ENOX1: variants seen among roughly 807,000 people sequenced by gnomAD.
The protein encoded by ENOX1 is ecto-NOX disulfide-thiol exchanger 1.
Under a neutral mutation model 82.5 loss-of-function variants are expected in ENOX1, and 42 were observed. That is an observed-to-expected ratio of 0.51 (90% CI 0.40 to 0.66). The LOEUF (loss-of-function observed/expected upper bound fraction) is 0.66, where lower values mean the gene tolerates loss of function less well. Ranked by LOEUF, ENOX1 falls within the 30% of genes least tolerant of loss-of-function variation. The pLI, the probability that ENOX1 is intolerant of heterozygous loss-of-function variation, is 0.00. For synonymous variants in ENOX1, 271 were observed against 282.2 expected (o/e 0.96, Z 0.40); for missense variants, 608 against 811.6 (o/e 0.75, Z 3.05).
intron 11 of ENOX1, among the ~76,000 whole-genome samples, chr13:43,319,520 T>G (rs1015914608): frequency 2.6e-5 from 4 of 152,164 alleles, no homozygotes; most frequent in Non-Finnish European, 5.9e-5. Flanking sequence ...AATTGTGCCT[T>G]TCCTAAAAAC....
chr13:43,277,675 G>T (rs2045134151), intron 12 of ENOX1, among the ~76,000 whole-genome samples: 3 of 152,224 alleles, frequency 2.0e-5, no homozygotes, highest in African/African-American at 4.8e-5. Flanking sequence ...GGAGGGCACA[G>T]GCTGTGTGTT....
chr13:43,223,457 G>C (rs950695347), intron 16 of ENOX1, among the ~76,000 whole-genome samples: 3 of 152,172 alleles, frequency 2.0e-5, no homozygotes, highest in Non-Finnish European at 4.4e-5. Context: ...CGGTGGGGTA[G>C]GAGTACAGCT....
At chr13:43,334,425 TG>T (rs2048583145) in intron 9 of ENOX1, among the ~76,000 whole-genome samples, 2 of 152,296 alleles carry the variant, frequency 1.3e-5, no homozygotes, top group South Asian at 4.1e-4. Context: ...TACTACACAC[TG>T]GGGATAAAAA....
At chr13:43,531,400 T>C (rs527412053) in intron 2 of ENOX1, among the ~76,000 whole-genome samples, 9 of 151,592 alleles carry the variant, frequency 5.9e-5, no homozygotes, top group South Asian at 4.2e-4. Context: ...GTTAGAATGG[T>C]GATCATTAAA....
At chr13:43,726,534 T>G (rs1434511018) in intron 1 of ENOX1, among the ~76,000 whole-genome samples, 1 of 152,040 alleles carries the variant, frequency 6.6e-6, no homozygotes, top group Non-Finnish European at 1.5e-5. Flanking sequence ...TCAACTTTAA[T>G]CATTCATTGA....
intron 3 of ENOX1, among the ~76,000 whole-genome samples, chr13:43,461,555 G>A (rs1447610437): frequency 3.9e-5 from 6 of 152,184 alleles, no homozygotes; most frequent in Non-Finnish European, 7.3e-5. Flanking sequence ...TATATGAAAG[G>A]TGACTACATG....
chr13:43,741,864 G>T (rs1168272645), intron 1 of ENOX1, among the ~76,000 whole-genome samples: 1 of 152,120 alleles, frequency 6.6e-6, no homozygotes, highest in Non-Finnish European at 1.5e-5. Context: ...TAGTTTTATA[G>T]CTTTAGGTCT....
chr13:43,757,317 G>A, intron 1 of ENOX1, among the ~76,000 whole-genome samples: 1 of 152,160 alleles, frequency 6.6e-6, no homozygotes, highest in East Asian at 1.9e-4. Flanking sequence ...GACTTGCTTT[G>A]AAAACAGGAT....
At chr13:43,568,338 A>AC (rs1286678661) in intron 2 of ENOX1, among the ~76,000 whole-genome samples, 1 of 152,186 alleles carries the variant, frequency 6.6e-6, no homozygotes, top group African/African-American at 2.4e-5. Context: ...CACACTGAGA[A>AC]CACACAGTAT....
intron 8 of ENOX1, among the ~76,000 whole-genome samples, chr13:43,352,583 A>G (rs926701658): frequency 2.6e-5 from 4 of 152,178 alleles, no homozygotes; most frequent in African/African-American, 9.7e-5. Flanking sequence ...CCATGCTATA[A>G]ACTTTGGGTT....
At chr13:43,240,265 A>G (rs2042752463) in intron 14 of ENOX1, among the ~76,000 whole-genome samples, 1 of 152,210 alleles carries the variant, frequency 6.6e-6, no homozygotes, top group Non-Finnish European at 1.5e-5. Context: ...TTTTAAGGAT[A>G]TGGCATTCAA....
At chr13:43,341,069 G>A (rs1464932860) in intron 9 of ENOX1, among the ~76,000 whole-genome samples, 5 of 152,058 alleles carry the variant, frequency 3.3e-5, no homozygotes, top group African/African-American at 4.8e-5. Context: ...AGGCCGAGGC[G>A]GGCAGATCAC....
intron 2 of ENOX1, among the ~76,000 whole-genome samples, chr13:43,589,216 GAAAAAAAAAA>G (rs58912569): frequency 1.3e-5 from 1 of 79,768 alleles, no homozygotes; most frequent in African/African-American, 5.3e-5. Context: ...GACATTAATG[GAAAAAAAAAA>G]AAAAAAAAAA....
intron 1 of ENOX1, among the ~76,000 whole-genome samples, chr13:43,671,616 A>T (rs1232819731): frequency 1.3e-5 from 2 of 152,158 alleles, no homozygotes; most frequent in East Asian, 3.9e-4. Flanking sequence ...CTGGGAAGTG[A>T]CGACCTGATC....
At chr13:43,406,659 AT>A (rs1212833481) in intron 5 of ENOX1, among the ~76,000 whole-genome samples, 2 of 151,514 alleles carry the variant, frequency 1.3e-5, no homozygotes, top group African/African-American at 2.4e-5. Flanking sequence ...TGCCCTGCTA[AT>A]TTTTTTGTAT....
At chr13:43,450,740 G>A (rs1366901342) in intron 3 of ENOX1, among the ~76,000 whole-genome samples, 1 of 152,080 alleles carries the variant, frequency 6.6e-6, no homozygotes, top group Non-Finnish European at 1.5e-5. Flanking sequence ...GCAGGTAGTG[G>A]CGTGGACTCA....
chr13:43,366,295 A>G (rs2050842406), intron 5 of ENOX1, among the ~76,000 whole-genome samples: 1 of 139,732 alleles, frequency 7.2e-6, no homozygotes, highest in East Asian at 2.2e-4. Flanking sequence ...TTTTTTTTTG[A>G]CATGAGTGTT....
At chr13:43,281,011 A>C (rs865850058) in intron 12 of ENOX1, among the ~76,000 whole-genome samples, 8 of 152,216 alleles carry the variant, frequency 5.3e-5, no homozygotes, top group African/African-American at 1.4e-4. Context: ...CAGAGTAACT[A>C]GAACCTTTGG....
At chr13:43,586,107 G>A (rs2080968261) in intron 2 of ENOX1, among the ~76,000 whole-genome samples, 1 of 152,104 alleles carries the variant, frequency 6.6e-6, no homozygotes, top group South Asian at 2.1e-4. Flanking sequence ...GCTACTCTCT[G>A]AGAGAAAACT....
Sources: gnomAD v4.1 joint callset for allele counts (sites outside exome capture counted in the v4.1 genomes callset) on GRCh38, gnomAD v4.1.1 for gene constraint, MANE v1.5 for transcripts, NCBI Gene and HGNC (gene_info 2026-07-23, HGNC 2026-07-21) for gene names.